Variants in SAMD8 observed in about 807,000 individuals in gnomAD.
The protein encoded by SAMD8 is sphingomyelin synthase-related protein 1.
A neutral mutation model predicts 42.0 loss-of-function variants in SAMD8; 20 were observed. The ratio of observed to expected loss-of-function variants is 0.48; its 90% CI spans 0.34 to 0.69. The LOEUF (loss-of-function observed/expected upper bound fraction) is 0.69, where lower values mean the gene tolerates loss of function less well. Ranked by LOEUF, SAMD8 falls within the 30% of genes least tolerant of loss-of-function variation. The probability of loss-of-function intolerance (pLI) is 0.01; values close to 1 mark genes in which losing one functional copy is unlikely to be tolerated. For synonymous variants in SAMD8, 162 were observed against 173.0 expected, an observed-to-expected ratio of 0.94 and a Z score of 0.50; for missense variants, 328 against 511.6, an observed-to-expected ratio of 0.64 and a Z score of 3.46.
At chr10:75,161,992 C>T (rs1038870003) in intron 2 of SAMD8, among the ~76,000 whole-genome samples, 4 of 151,978 alleles carry the variant, frequency 2.6e-5, no homozygotes, top group African/African-American at 7.3e-5. Flanking sequence ...AAGCCAAAAT[C>T]ACGCCACTAC....
intron 4 of SAMD8, among the ~76,000 whole-genome samples, chr10:75,174,457 G>A (rs1484904920): frequency 8.2e-6 from 1 of 121,798 alleles, no homozygotes; most frequent in Admixed American, 9.5e-5. Context: ...TTTTTGAGAT[G>A]GAGTTTTGCT....
At chr10:75,135,618 G>A (rs918045679) in intron 1 of SAMD8, among the ~76,000 whole-genome samples, 2 of 152,058 alleles carry the variant, frequency 1.3e-5, no homozygotes, top group Non-Finnish European at 2.9e-5. Context: ...GAGGTCAGGA[G>A]ATCGAGACCA....
chr10:75,154,168 T>C (rs1337440804), intron 2 of SAMD8, among the ~76,000 whole-genome samples: 1 of 152,184 alleles, frequency 6.6e-6, no homozygotes, highest in Non-Finnish European at 1.5e-5. Context: ...AGTTGGAAGA[T>C]GGATGGATGA....
At chr10:75,138,958 CT>C (rs201911661) in intron 1 of SAMD8, among the ~76,000 whole-genome samples, 290 of 133,338 alleles carry the variant, frequency 2.2e-3, no homozygotes, top group East Asian at 0.012. Context: ...GTGGTTTTTT[CT>C]TTTTTTTTTT....
At position 75,105,729 on chromosome 10, in the gene SAMD8, T is replaced by C. The variant is rs1368348093; in HGVS notation, c.-16+6001T>C. The C allele has an allele frequency of 1.2e-5, 19 of 1,554,340 alleles. No individual in the cohort carries two copies. The African/African-American group carries it at 2.2e-4, about 18-fold the overall frequency. ...GCCTGCAGAGCTGGTGCAGGAAGCCTCGGTTGGGGAAGACCCATCGGTGCT... is the reference window on the plus strand; with the variant it reads ...GCCTGCAGAGCTGGTGCAGGAAGCCCCGGTTGGGGAAGACCCATCGGTGCT... On this transcript the variant is annotated intron_variant, in intron 1 of 3. Coordinates refer to the SAMD8 transcript ENST00000447533.
At chr10:75,125,842 G>GC (rs1334086705) in intron 1 of SAMD8, 1 of 152,138 alleles carries the variant, frequency 6.6e-6, no homozygotes, top group Non-Finnish European at 1.5e-5. Flanking sequence ...TTTGAGTGCT[G>GC]CCCCATGACC....
chr10:75,172,354 C>CA (rs1282280559), intron 4 of SAMD8, among the ~76,000 whole-genome samples: 1 of 151,918 alleles, frequency 6.6e-6, no homozygotes, highest in East Asian at 1.9e-4. Context: ...TTTTTTAAGA[C>CA]AGATTCTCGC....
At chr10:75,127,121 A>G (rs1849161761) in intron 1 of SAMD8, among the ~76,000 whole-genome samples, 1 of 150,878 alleles carries the variant, frequency 6.6e-6, no homozygotes, top group Non-Finnish European at 1.5e-5. Context: ...CCTGGAAGGC[A>G]GAGGTTGCAA....
chr10:75,171,394 C>G (rs1463663040), intron 4 of SAMD8, among the ~76,000 whole-genome samples: 2 of 151,424 alleles, frequency 1.3e-5, no homozygotes, highest in East Asian at 4.0e-4. Flanking sequence ...GTCTCGATCT[C>G]CTGACCTCAT....
chr10:75,122,293 T>C lies in SAMD8; in HGVS notation c.-16+10571T>C, dbSNP rs73277285. 6.1e-3 allele frequency among the ~76,000 whole-genome samples: 935 copies of C among 152,282 alleles called. 8 individuals are homozygous for C. Among genetic ancestry groups the C allele is most frequent in the African/African-American group, 0.021 (875 of 41,564 alleles). ...TATTTTTTGGGACATTGTGCTTCTT[T>C]TAAAATTTTCTCAGTTTTTATTTTG... is the stretch of plus-strand genomic sequence containing the variant. On this transcript the variant is annotated intron_variant, in intron 1 of 5. Transcript: ENST00000542569.
rs570276374 is a variant in SAMD8 at position 75,165,600 on chromosome 10, G to A, written c.674+860G>A. Among the ~76,000 whole-genome samples, 9 of 151,988 alleles carry A rather than the reference G, an allele frequency of 5.9e-5. No homozygotes were observed. In the South Asian group the frequency reaches 1.9e-3, roughly 32 times the overall value. Reference sequence around the variant, plus strand: ...GCAGGAGAATGGCATGAACCCAGGAGGCAGAGCTTGCAGTGAGCCGAGATT... The same window carrying A: ...GCAGGAGAATGGCATGAACCCAGGAAGCAGAGCTTGCAGTGAGCCGAGATT... On this transcript the variant is annotated intron_variant, in intron 3 of 5. Transcript: ENST00000542569.
intron 1 of SAMD8, among the ~76,000 whole-genome samples, chr10:75,139,324 T>C (rs1330476413): frequency 1.3e-5 from 2 of 152,170 alleles, no homozygotes; most frequent in African/African-American, 4.8e-5. Context: ...GACCACGCTT[T>C]AATGGTGTAA....
intron 1 of SAMD8, among the ~76,000 whole-genome samples, chr10:75,100,516 G>C (rs1848093304): frequency 6.6e-6 from 1 of 152,170 alleles, no homozygotes; most frequent in Non-Finnish European, 1.5e-5. Flanking sequence ...CTGAGACTTG[G>C]TCTTCGGAGG....
At chr10:75,105,784 G>A (rs1375055998) in intron 1 of SAMD8, 3 of 1,551,154 alleles carry the variant, frequency 1.9e-6, no homozygotes, top group African/African-American at 1.4e-5. Context: ...CTGGCGCAGG[G>A]ACAGCCGCTG....
chr10:75,173,929 C>G (rs1840928178), intron 4 of SAMD8, among the ~76,000 whole-genome samples: 1 of 152,158 alleles, frequency 6.6e-6, no homozygotes. Flanking sequence ...CTCATCTGCA[C>G]AATTAAATCA....
rs60024591 is a variant in SAMD8, at chr10:75,148,346, C to CTTTTTTTTTTTTTTT, written c.-15-2157_-15-2143dup. 6.8e-4 allele frequency among the ~76,000 whole-genome samples: 56 copies of CTTTTTTTTTTTTTTT among 82,552 alleles called. 6 individuals carry two copies. Among genetic ancestry groups the CTTTTTTTTTTTTTTT allele is most frequent in the African/African-American group, 2.0e-3 (31 of 15,306 alleles). The allele number at this position is 82,552 out of a possible 152,430, so 54.2% of individuals were successfully genotyped here. A position where few individuals can be genotyped will look rare whatever the true frequency, so the allele number is the denominator to read the frequency against. On this transcript the variant is annotated intron_variant, in intron 1 of 5. Coordinates refer to ENST00000542569, the MANE Select transcript of SAMD8 (RefSeq NM_001174156.2). ...GGGAAAGAATGCAGAGCAATACCAG[C>CTTTTTTTTTTTTTTT]TTTTTTTTTTTTTTTTTTTTTTTTT... is the stretch of plus-strand genomic sequence containing the variant.
intron 1 of SAMD8, among the ~76,000 whole-genome samples, chr10:75,112,075 T>C (rs1848783731): frequency 6.6e-6 from 1 of 152,064 alleles, no homozygotes; most frequent in Non-Finnish European, 1.5e-5. Flanking sequence ...GAAGAGATGC[T>C]CTGGGTTTGG....
Position 75,101,421 on chromosome 10 carries a change from A to G in SAMD8, c.-16+1693A>G, listed in dbSNP as rs151103313. On this transcript the variant is annotated intron_variant, in intron 1 of 3. Transcript: ENST00000447533. ...ATCCTATGTGGAGGGTAACTTCCCT[A>G]CGGGACAGTGAGATTTCTTCTCTAT... Among the ~76,000 whole-genome samples, 473 of 152,246 alleles carry G rather than the reference A, an allele frequency of 3.1e-3. 2 individuals carry two copies. Among genetic ancestry groups the G allele is most frequent in the African/African-American group, 0.011 (439 of 41,526 alleles).
Position 75,166,063 on chromosome 10 carries a change from T to C in SAMD8, c.674+1323T>C, listed in dbSNP as rs188981965. Among the ~76,000 whole-genome samples the C allele has an allele frequency of 5.3e-5, 8 of 152,026 alleles. No individual in the cohort carries two copies. In the East Asian group the frequency reaches 1.5e-3, roughly 29 times the overall value. On this transcript the variant is annotated intron_variant, in intron 3 of 5. Coordinates refer to ENST00000542569, the MANE Select transcript of SAMD8 (RefSeq NM_001174156.2). ...GGTTTACTTCAGATGGTATGGGAAG[T>C]TGCTAAATTGGAAAGTGTGTCTTGG...
Sources: gnomAD v4.1 joint callset for allele counts (sites outside exome capture counted in the v4.1 genomes callset) on GRCh38, gnomAD v4.1.1 for gene constraint, MANE v1.5 for transcripts, NCBI Gene and HGNC (gene_info 2026-07-23, HGNC 2026-07-21) for gene names.